Variants in SYTL4 observed in about 807,000 individuals in gnomAD.
SYTL4 encodes synaptotagmin like 4.
Under a neutral mutation model 52.7 loss-of-function variants are expected in SYTL4, and 16 were observed. The observed-to-expected ratio is 0.30, with a 90% CI of 0.21 to 0.46. SYTL4 has a LOEUF of 0.46. SYTL4 is among the 20% of genes least tolerant of loss of function. SYTL4 has a pLI of 1.00. For synonymous variants in SYTL4, 160 were observed against 186.6 expected, an observed-to-expected ratio of 0.86 and a Z score of 1.16; for missense variants, 423 against 519.9, an observed-to-expected ratio of 0.81 and a Z score of 1.81.
At position 100,701,831 on chromosome X, in the gene SYTL4, T is replaced by C. The variant is rs937918036; in HGVS notation, c.110+97A>G. On this transcript the variant is annotated intron_variant, in intron 5 of 19. Coordinates refer to ENST00000372989, the MANE Select transcript of SYTL4 (RefSeq NM_001370165.1). ...AATAAGTAGTGGTAAACATCACATA[T>C]ACAAATTCCTATGAAAGTCAGGTGG... 7 of 823,009 alleles carry C rather than the reference T, an allele frequency of 8.5e-6. No individual in the cohort carries two copies. The African/African-American group carries it at 1.5e-4, about 17-fold the overall frequency. 67.8% of individuals were successfully genotyped at this position (823,009 alleles called of 1,213,427 possible).
intron 2 of SYTL4, among the ~76,000 whole-genome samples, chrX:100,724,867 A>AT (rs1173955073): frequency 1.3e-5 from 1 of 78,146 alleles, no homozygotes. Context: ...AGAATGATCA[A>AT]TAAAAAGAAA....
intron 2 of SYTL4, among the ~76,000 whole-genome samples, chrX:100,726,447 G>T (rs1222362421): frequency 9.1e-6 from 1 of 110,100 alleles, no homozygotes; most frequent in Non-Finnish European, 1.9e-5. Context: ...GGGCGGAGGG[G>T]CTCTCTCAAA....
chrX:100,701,697 G>C, intron 5 of SYTL4, 24 bp from the exon 6 acceptor site: 1 of 1,174,864 alleles, frequency 8.5e-7, no homozygotes, highest in Admixed American at 2.2e-5. Context: ...AAACAGAAGC[G>C]TAAGTGGATT....
At chrX:100,706,755 C>T (rs1471618912) in intron 2 of SYTL4, among the ~76,000 whole-genome samples, 1 of 111,211 alleles carries the variant, frequency 9.0e-6, no homozygotes, top group Non-Finnish European at 1.9e-5. Flanking sequence ...TTATGAGAGA[C>T]ACATCTAAAA....
At chrX:100,692,078 A>G (rs889187720) in intron 8 of SYTL4, among the ~76,000 whole-genome samples, 1 of 110,665 alleles carries the variant, frequency 9.0e-6, no homozygotes, top group African/African-American at 3.3e-5. Flanking sequence ...TTCTTTTCAC[A>G]ATGGCCACTT....
At chrX:100,711,104 A>G (rs1439168844) in intron 2 of SYTL4, among the ~76,000 whole-genome samples, 1 of 112,032 alleles carries the variant, frequency 8.9e-6, no homozygotes, top group Non-Finnish European at 1.9e-5. Flanking sequence ...TTGCCTCAGT[A>G]GTGGGAAATA....
intron 12 of SYTL4, among the ~76,000 whole-genome samples, chrX:100,688,817 G>T (rs183993799): frequency 9.2e-6 from 1 of 108,702 alleles, no homozygotes; most frequent in Non-Finnish European, 1.9e-5. Context: ...CGCCTGCCTC[G>T]GCCTCCCAAA....
At chrX:100,676,436 T>C (rs907260150) in intron 19 of SYTL4, among the ~76,000 whole-genome samples, 2 of 111,925 alleles carry the variant, frequency 1.8e-5, no homozygotes, top group Non-Finnish European at 3.8e-5. Context: ...TTCTAGTGCC[T>C]GACAACTCAT....
chrX:100,710,725 T>C (rs956405251), intron 2 of SYTL4, among the ~76,000 whole-genome samples: 2 of 111,888 alleles, frequency 1.8e-5, no homozygotes, highest in Non-Finnish European at 3.8e-5. Context: ...TTCCAGATAA[T>C]GGTACAGAAA....
At chrX:100,709,955 T>C (rs1291081447) in intron 2 of SYTL4, among the ~76,000 whole-genome samples, 1 of 111,681 alleles carries the variant, frequency 9.0e-6, no homozygotes, top group Admixed American at 9.5e-5. Context: ...TTTGGGTACA[T>C]GGATGAATTT....
At chrX:100,720,456 C>T (rs1436626931) in intron 2 of SYTL4, among the ~76,000 whole-genome samples, 2 of 112,373 alleles carry the variant, frequency 1.8e-5, no homozygotes, top group Non-Finnish European at 3.8e-5. Context: ...ATTATCTTTC[C>T]TTAGTCAACA....
chrX:100,686,312 C>A (rs1277215366), intron 15 of SYTL4, 161 bp from the exon 16 acceptor site: 1 of 488,247 alleles, frequency 2.0e-6, no homozygotes, highest in African/African-American at 2.4e-5. Context: ...AAAGCCTCAA[C>A]TTAACTCATT....
chrX:100,675,354 C>A lies in SYTL4; in HGVS notation c.*674G>T, dbSNP rs1438728945. 1 of 112,314 alleles carries A rather than the reference C, an allele frequency of 8.9e-6. No individual in the cohort carries two copies. The highest frequency in any genetic ancestry group is 1.9e-5 in the Non-Finnish European group (1 of 53,245). 9.3% of individuals were successfully genotyped at this position (112,314 alleles called of 1,213,427 possible). Reference sequence around the variant, plus strand: ...TCAAAAGCAGCTCCATTATAAGAGTCCCCCAAAGGTCTAGTAAAGATATCT... The same window carrying A: ...TCAAAAGCAGCTCCATTATAAGAGTACCCCAAAGGTCTAGTAAAGATATCT... On this transcript the variant is annotated 3_prime_UTR_variant, in exon 20 of 20. Coordinates refer to ENST00000372989, the MANE Select transcript of SYTL4 (RefSeq NM_001370165.1).
chrX:100,701,446 G>A lies in SYTL4; in HGVS notation c.326+12C>T. ...CTCGCCCCCTCTCTACTCAGCCATA[G>A]GTGACACTCACATTTCCTTGGCGCA... is the stretch of plus-strand genomic sequence containing the variant. On this transcript the variant is annotated intron_variant, in intron 6 of 19. Coordinates refer to ENST00000372989, the MANE Select transcript of SYTL4 (RefSeq NM_001370165.1). 8.3e-7 allele frequency: 1 copy of A among 1,208,290 alleles called. No individual in the cohort carries two copies. The highest frequency in any genetic ancestry group is 1.1e-6 in the Non-Finnish European group (1 of 892,115).
At chrX:100,708,805 T>C (rs1419931036) in intron 2 of SYTL4, among the ~76,000 whole-genome samples, 2 of 112,391 alleles carry the variant, frequency 1.8e-5, no homozygotes, top group East Asian at 2.8e-4. Context: ...AAAGTAATCA[T>C]TGGTGTTCCC....
rs750213569 is a variant in SYTL4, at chrX:100,681,318, C to T, written c.1467G>A (p.Pro489=). The part of the protein sequence containing the change: ...PLHGKISAES[P]TGLPSHKGEL... ...CGCCTTTGTGTGATGGCAAGCCAGT[C>T]GGGGACTCAGCACTGATCTGAAACA... Residue 489 remains proline (P), a synonymous_variant, in exon 17 of 20, where the codon CCG becomes CCA. Coordinates refer to ENST00000372989, the MANE Select transcript of SYTL4 (RefSeq NM_001370165.1). The T allele has an allele frequency of 1.3e-5, 16 of 1,207,449 alleles. No individual in the cohort carries two copies. Among genetic ancestry groups the T allele is most frequent in the East Asian group, 3.0e-5 (1 of 33,756 alleles).
At position 100,716,178 on chromosome X, in the gene SYTL4, G is replaced by A. The variant is rs965969373; in HGVS notation, c.-239-11292C>T. On this transcript the variant is annotated intron_variant, in intron 2 of 19. Transcript: ENST00000372989. ...TAAAAGAGTTGATTTGGCCGGGAGC[G>A]GTGGCTCACGTCTGTAATCTCAGCA... Among the ~76,000 whole-genome samples the A allele has an allele frequency of 9.3e-5, 10 of 108,068 alleles. No individual in the cohort carries two copies. The South Asian group carries it at 2.4e-3, about 26-fold the overall frequency. 93.8% of individuals were successfully genotyped at this position (108,068 alleles called of 115,157 possible).
chrX:100,722,981 T>C (rs2084371572), intron 2 of SYTL4, among the ~76,000 whole-genome samples: 1 of 111,803 alleles, frequency 8.9e-6, no homozygotes, highest in African/African-American at 3.3e-5. Context: ...GAGAAACTTA[T>C]TCTGCTGATA....
intron 13 of SYTL4, 113 bp downstream of exon 13, chrX:100,688,238 C>A: frequency 1.7e-6 from 1 of 576,138 alleles, no homozygotes; most frequent in South Asian, 2.8e-5. Flanking sequence ...TCTTACTTAC[C>A]TGAAAAGAGT....
Sources: allele counts gnomAD v4.1 joint callset (sites outside exome capture counted in the v4.1 genomes callset), GRCh38; gene constraint gnomAD v4.1.1; transcripts MANE v1.5; gene names NCBI Gene and HGNC (gene_info 2026-07-23, HGNC 2026-07-21).